The following MTUS2 variants were observed in gnomAD, a reference collection of about 807,000 sequenced individuals.
MTUS2 encodes the protein microtubule associated scaffold protein 2.
A neutral mutation model predicts 114.1 loss-of-function variants in MTUS2; 40 were observed. The ratio of observed to expected loss-of-function variants is 0.35; its 90% CI spans 0.27 to 0.46. The LOEUF (loss-of-function observed/expected upper bound fraction) is 0.46. MTUS2 is among the 20% of genes least tolerant of loss of function. The probability of loss-of-function intolerance (pLI) is 1.00; values close to 1 mark genes in which losing one functional copy is unlikely to be tolerated. For synonymous variants in MTUS2, 688 were observed against 672.0 expected (o/e 1.02, Z -0.37); for missense variants, 1,679 against 1,705.4 (o/e 0.98, Z 0.27).
At chr13:28,878,259 G>A (rs1051498194) in intron 2 of MTUS2, among the ~76,000 whole-genome samples, 3 of 150,956 alleles carry the variant, frequency 2.0e-5, no homozygotes, top group Non-Finnish European at 2.9e-5. Context: ...ATGTGTGTGT[G>A]TGTATATGTG....
intron 7 of MTUS2, among the ~76,000 whole-genome samples, chr13:29,335,034 T>C (rs1900981974): frequency 6.6e-6 from 1 of 152,160 alleles, no homozygotes; most frequent in South Asian, 2.1e-4. Flanking sequence ...ATAACAGCAA[T>C]GTTCAGGGAA....
At chr13:28,937,087 A>G (rs1881941269) in intron 2 of MTUS2, among the ~76,000 whole-genome samples, 1 of 152,122 alleles carries the variant, frequency 6.6e-6, no homozygotes, top group African/African-American at 2.4e-5. Flanking sequence ...TGATGCTCAG[A>G]AGGAGGAGGG....
At chr13:29,495,165 G>C (rs1363158128) in intron 12 of MTUS2, among the ~76,000 whole-genome samples, 1 of 105,574 alleles carries the variant, frequency 9.5e-6, no homozygotes, top group Non-Finnish European at 1.8e-5. Context: ...ACCTGGACAA[G>C]AGCAAAACTC....
intron 2 of MTUS2, among the ~76,000 whole-genome samples, chr13:28,998,404 G>A (rs571756486): frequency 3.9e-5 from 6 of 152,216 alleles, no homozygotes; most frequent in African/African-American, 7.2e-5. Context: ...TCTTTGTGGC[G>A]TTCTCTGTAT....
chr13:29,302,892 G>A lies in MTUS2; in HGVS notation c.2806+21027G>A, dbSNP rs536733135. On this transcript the variant is annotated intron_variant, in intron 6 of 15. Coordinates refer to ENST00000612955, the MANE Select transcript of MTUS2 (RefSeq NM_001033602.4). ...TGGGGTCTCTGGCCACCTCCTACAG[G>A]TACATGAAGGCTGGCAGTAGGTCAG... Among the ~76,000 whole-genome samples the A allele has an allele frequency of 3.3e-5, 5 of 152,326 alleles. No individual in the cohort carries two copies. The South Asian group carries it at 1.0e-3, about 32-fold the overall frequency.
rs551950663 is a variant in MTUS2 at position 29,207,620 on chromosome 13, G to T, written c.2645-74084G>T. Among the ~76,000 whole-genome samples the T allele has an allele frequency of 1.8e-4, 27 of 152,176 alleles. No homozygotes were observed. In the East Asian group the frequency reaches 4.8e-3, roughly 27 times the overall value. On this transcript the variant is annotated intron_variant, in intron 5 of 15. Transcript: ENST00000612955. ...CCTTTCTATGCTAATTTTGCTGAGG[G>T]TTTTAATATAAAGGGATGGTGGATT...
chr13:29,287,541 C>G (rs1048942885), intron 6 of MTUS2, among the ~76,000 whole-genome samples: 1 of 152,110 alleles, frequency 6.6e-6, no homozygotes, highest in Non-Finnish European at 1.5e-5. Context: ...CCAGTCCTCC[C>G]TCACTGAACA....
chr13:29,182,854 G>A (rs767637080), intron 5 of MTUS2, among the ~76,000 whole-genome samples: 3 of 152,164 alleles, frequency 2.0e-5, no homozygotes, highest in Non-Finnish European at 4.4e-5. Context: ...CCACTGTGGG[G>A]GACCCTAAGG....
At chr13:29,331,460 A>T (rs1007591318) in intron 7 of MTUS2, among the ~76,000 whole-genome samples, 5 of 152,136 alleles carry the variant, frequency 3.3e-5, no homozygotes, top group Non-Finnish European at 7.4e-5. Context: ...CTAGAGCAAT[A>T]CTTCCAAATT....
chr13:29,185,407 A>G (rs1894181457), intron 5 of MTUS2, among the ~76,000 whole-genome samples: 1 of 152,206 alleles, frequency 6.6e-6, no homozygotes, highest in Admixed American at 6.5e-5. Flanking sequence ...GCTAAAAAGC[A>G]TTAATCTACA....
chr13:28,935,705 A>G (rs1385066257), intron 2 of MTUS2, among the ~76,000 whole-genome samples: 1 of 152,116 alleles, frequency 6.6e-6, no homozygotes, highest in Non-Finnish European at 1.5e-5. Flanking sequence ...AGCAAATGCA[A>G]TTATAAACAT....
chr13:29,476,380 T>C (rs1261600040), intron 9 of MTUS2: 1 of 152,256 alleles, frequency 6.6e-6, no homozygotes, highest in East Asian at 1.9e-4. Flanking sequence ...TGTTTTATTT[T>C]GCCAGCATTT....
chr13:29,232,421 G>T (rs549252879), intron 5 of MTUS2, among the ~76,000 whole-genome samples: 88 of 152,284 alleles, frequency 5.8e-4, no homozygotes, highest in Non-Finnish European at 1.1e-3. Context: ...TTCCAAGAAT[G>T]TGAGAGCTGG....
At chr13:29,173,575 G>A (rs530896591) in intron 5 of MTUS2, among the ~76,000 whole-genome samples, 29 of 152,220 alleles carry the variant, frequency 1.9e-4, no homozygotes, top group African/African-American at 4.6e-4. Context: ...CGTACCTTTA[G>A]TACTGTGTTA....
At position 29,264,746 on chromosome 13, in the gene MTUS2, T is replaced by G. The variant is rs116743116; in HGVS notation, c.2645-16958T>G. ...TGAGCCAAGGTTGGAGCCACAGTGA[T>G]TGGGATGCAGGGAGCAATATCCCAA... On this transcript the variant is annotated intron_variant, in intron 5 of 15. Transcript: ENST00000612955. Among the ~76,000 whole-genome samples the G allele has an allele frequency of 1.1e-3, 175 of 152,342 alleles. 2 individuals are homozygous for G. Among genetic ancestry groups the G allele is most frequent in the African/African-American group, 4.1e-3 (170 of 41,584 alleles).
intron 5 of MTUS2, among the ~76,000 whole-genome samples, chr13:29,191,789 C>T (rs1894461260): frequency 1.3e-5 from 2 of 152,158 alleles, no homozygotes; most frequent in South Asian, 4.1e-4. Flanking sequence ...GTCTCTCCCA[C>T]TATTTTGGAT....
intron 2 of MTUS2, among the ~76,000 whole-genome samples, chr13:28,873,079 C>T (rs1877718117): frequency 6.6e-6 from 1 of 152,082 alleles, no homozygotes; most frequent in Non-Finnish European, 1.5e-5. Flanking sequence ...AATTCTATAG[C>T]CAATGAAAAT....
rs113993072 is a variant in MTUS2, at chr13:29,500,263, G to C, written c.3799-834G>C. Among the ~76,000 whole-genome samples, 10 of 152,368 alleles carry C rather than the reference G, an allele frequency of 6.6e-5. 1 individual carries two copies. Among genetic ancestry groups the C allele is most frequent in the African/African-American group, 1.9e-4 (8 of 41,588 alleles). ...GCTGGGTGAGGTGTCTTGCTAAAGA[G>C]CGGGGACAGAGGCCAGTCCTGTGGC... On this transcript the variant is annotated intron_variant, in intron 14 of 15. Transcript: ENST00000612955.
At chr13:29,483,093 CCTT>C (rs1881319623) in intron 10 of MTUS2, among the ~76,000 whole-genome samples, 2 of 152,338 alleles carry the variant, frequency 1.3e-5, no homozygotes, top group South Asian at 2.1e-4. Flanking sequence ...CTTGGGGCCT[CCTT>C]CTCAGGGACG....
Sources: allele counts gnomAD v4.1 joint callset (sites outside exome capture counted in the v4.1 genomes callset), GRCh38; gene constraint gnomAD v4.1.1; transcripts MANE v1.5; gene names NCBI Gene and HGNC (gene_info 2026-07-23, HGNC 2026-07-21).